PHF24: variants seen among roughly 807,000 people sequenced by gnomAD.
PHF24 encodes PHD finger protein 24.
Under a neutral mutation model 42.6 loss-of-function variants are expected in PHF24, and 25 were observed. The ratio of observed to expected loss-of-function variants is 0.59; its 90% CI spans 0.43 to 0.82. PHF24 has a LOEUF of 0.82. Ranked by LOEUF, PHF24 falls within the 40% of genes least tolerant of loss-of-function variation. The pLI is 0.00. For synonymous variants in PHF24, 185 were observed against 204.8 expected (o/e 0.90, Z 0.83); for missense variants, 470 against 538.1 (o/e 0.87, Z 1.25).
chr9:34,875,063 A>G, the PHF24 span, among the ~76,000 whole-genome samples: 1 of 152,146 alleles, frequency 6.6e-6, no homozygotes, highest in East Asian at 1.9e-4. Flanking sequence ...TTATTAATTA[A>G]TTCTATCTTT....
chr9:34,715,391 G>T, the PHF24 span, among the ~76,000 whole-genome samples: 3 of 152,076 alleles, frequency 2.0e-5, no homozygotes, highest in Admixed American at 2.0e-4. Flanking sequence ...TGGGTTTATT[G>T]TACCCCACAG....
chr9:34,908,560 GA>G, the PHF24 span, among the ~76,000 whole-genome samples: 7 of 152,174 alleles, frequency 4.6e-5, no homozygotes, highest in African/African-American at 1.7e-4. Context: ...GGAGGTCTGA[GA>G]AGATGATATT....
chr9:34,865,051 C>T, the PHF24 span, among the ~76,000 whole-genome samples: 30 of 149,890 alleles, frequency 2.0e-4, no homozygotes, highest in African/African-American at 2.7e-4. Context: ...AAGTGGTGCA[C>T]GCCTGTAGTC....
chr9:34,691,363 C>T, the PHF24 span: 39 of 512,474 alleles, frequency 7.6e-5, no homozygotes, highest in African/African-American at 2.7e-4. Flanking sequence ...CTGTGATTCC[C>T]CTGTTGCCCC....
the PHF24 span, among the ~76,000 whole-genome samples, chr9:34,886,945 A>G: frequency 2.0e-5 from 3 of 152,240 alleles, no homozygotes; most frequent in African/African-American, 7.2e-5. Flanking sequence ...AACATACGTT[A>G]TCTAAGCAAC....
chr9:34,777,738 C>A, the PHF24 span, among the ~76,000 whole-genome samples: 1 of 152,182 alleles, frequency 6.6e-6, no homozygotes, highest in Non-Finnish European at 1.5e-5. Flanking sequence ...GCCCATGCTT[C>A]TCTAGTGCCT....
the PHF24 span, among the ~76,000 whole-genome samples, chr9:34,916,253 T>C: frequency 6.6e-6 from 1 of 152,092 alleles, no homozygotes; most frequent in East Asian, 1.9e-4. Flanking sequence ...TAGTGTCTAT[T>C]TGAGAAACTT....
the PHF24 span, among the ~76,000 whole-genome samples, chr9:34,825,184 A>G: frequency 6.6e-6 from 1 of 151,914 alleles, no homozygotes; most frequent in Non-Finnish European, 1.5e-5. Context: ...CTGCTATGTC[A>G]AAGAGTCTGA....
At chr9:34,681,098 C>A in the PHF24 span, 1 of 152,182 alleles carries the variant, frequency 6.6e-6, no homozygotes, top group African/African-American at 2.4e-5. Context: ...TTGACTGGAG[C>A]GACCATGGAA....
chr9:34,955,072 C>T (rs1017239958), upstream of PHF24, among the ~76,000 whole-genome samples: 1 of 152,188 alleles, frequency 6.6e-6, no homozygotes, highest in Non-Finnish European at 1.5e-5. Flanking sequence ...TTGTTTCTTG[C>T]TATGTTGCCC....
the PHF24 span, among the ~76,000 whole-genome samples, chr9:34,743,529 GA>G: frequency 2.0e-5 from 3 of 152,160 alleles, no homozygotes; most frequent in African/African-American, 7.2e-5. Flanking sequence ...TTGGAAATAT[GA>G]GGACCAATAA....
the PHF24 span, among the ~76,000 whole-genome samples, chr9:34,800,563 G>A: frequency 0.046 from 6,962 of 152,198 alleles, 516 homozygotes; most frequent in African/African-American, 0.16. Context: ...AACAAGCAAT[G>A]GGGAGAGGAT....
the PHF24 span, among the ~76,000 whole-genome samples, chr9:34,767,553 C>T: frequency 2.6e-5 from 4 of 152,212 alleles, no homozygotes; most frequent in East Asian, 1.9e-4. Flanking sequence ...TTAAGCCCGT[C>T]GGAAAGGCGC....
the PHF24 span, among the ~76,000 whole-genome samples, chr9:34,753,911 T>C: frequency 6.6e-6 from 1 of 152,176 alleles, no homozygotes; most frequent in African/African-American, 2.4e-5. Flanking sequence ...CAATAAATGC[T>C]GCTGGAAAAA....
chr9:34,889,712 C>T, the PHF24 span: 1 of 397,808 alleles, frequency 2.5e-6, no homozygotes, highest in Non-Finnish European at 4.4e-6. Context: ...AAGTGTGGCC[C>T]TGCAAATTTT....
chr9:34,907,097 G>A, the PHF24 span, among the ~76,000 whole-genome samples: 4 of 152,178 alleles, frequency 2.6e-5, no homozygotes, highest in African/African-American at 7.2e-5. Flanking sequence ...AAAGGGCTAG[G>A]ACTACAGTTG....
chr9:34,672,653 G>A, the PHF24 span, among the ~76,000 whole-genome samples: 3 of 151,896 alleles, frequency 2.0e-5, no homozygotes, highest in African/African-American at 7.3e-5. Flanking sequence ...CTTTTCTTAG[G>A]AAGCCTCTAG....
At chr9:34,903,979 G>T in the PHF24 span, among the ~76,000 whole-genome samples, 1 of 151,882 alleles carries the variant, frequency 6.6e-6, no homozygotes, top group South Asian at 2.1e-4. Context: ...TTGATTCTCC[G>T]CTTGGTCACT....
the PHF24 span, among the ~76,000 whole-genome samples, chr9:34,825,011 T>C: frequency 2.0e-5 from 3 of 152,140 alleles, no homozygotes; most frequent in Admixed American, 2.0e-4. Context: ...GTGTGGTCGA[T>C]AGGGGTGGGA....
Sources: allele counts gnomAD v4.1 joint callset (sites outside exome capture counted in the v4.1 genomes callset), GRCh38; gene constraint gnomAD v4.1.1; transcripts MANE v1.5; gene names NCBI Gene and HGNC (gene_info 2026-07-23, HGNC 2026-07-21).